Variants in TIA1 observed in about 807,000 individuals in gnomAD.
TIA1 encodes the protein TIA1 cytotoxic granule associated RNA binding protein, also known as cytotoxic granule associated RNA binding protein TIA1.
A neutral mutation model predicts 65.9 loss-of-function variants in TIA1; 23 were observed. That is an observed-to-expected ratio of 0.35 (90% CI 0.25 to 0.49). The LOEUF is 0.49. TIA1 is among the 20% of genes least tolerant of loss of function. TIA1 has a pLI of 0.98. For missense variants in TIA1, 371 were observed against 477.9 expected, an observed-to-expected ratio of 0.78 and a Z score of 2.09; for synonymous variants, 147 against 149.4, an observed-to-expected ratio of 0.98 and a Z score of 0.12.
intron 7 of TIA1, among the ~76,000 whole-genome samples, chr2:70,223,796 A>G (rs1249728604): frequency 6.6e-6 from 1 of 152,080 alleles, no homozygotes; most frequent in Non-Finnish European, 1.5e-5. Flanking sequence ...ATAGGGTCCC[A>G]CTATATTGCC....
At chr2:70,232,602 C>T (rs915891450) in intron 2 of TIA1, among the ~76,000 whole-genome samples, 7 of 146,228 alleles carry the variant, frequency 4.8e-5, no homozygotes, top group Non-Finnish European at 7.4e-5. Flanking sequence ...GGCACAGTAG[C>T]TCATGCCTGT....
rs1017292968 is a variant in TIA1, at chr2:70,209,725, A to G, written c.*2994T>C. The G allele has an allele frequency of 1.5e-5, 6 of 398,224 alleles. No homozygotes were observed. Among genetic ancestry groups the G allele is most frequent in the Admixed American group, 4.4e-5 (1 of 22,712 alleles). 24.7% of individuals were successfully genotyped at this position (398,224 alleles called of 1,614,324 possible). On this transcript the variant is annotated 3_prime_UTR_variant, in exon 13 of 13. Coordinates refer to ENST00000433529, the MANE Select transcript of TIA1 (RefSeq NM_022173.4). ...AAAGAACATTATTTGAGAGAAAAAA[A>G]CTGATTTTTTTTAAAGAAATCATCA...
At chr2:70,232,574 A>AT (rs1336438024) in intron 2 of TIA1, among the ~76,000 whole-genome samples, 1 of 119,876 alleles carries the variant, frequency 8.3e-6, no homozygotes, top group South Asian at 2.6e-4. Flanking sequence ...AAAAAAAAAA[A>AT]TTATCTTCCC....
At chr2:70,238,599 T>C (rs1209268640) in intron 1 of TIA1, among the ~76,000 whole-genome samples, 1 of 152,150 alleles carries the variant, frequency 6.6e-6, no homozygotes, top group African/African-American at 2.4e-5. Context: ...ATCAGTTGTT[T>C]TGAATGCTTA....
At chr2:70,243,200 A>AAGAT (rs1370634747) in intron 1 of TIA1, among the ~76,000 whole-genome samples, 1 of 152,192 alleles carries the variant, frequency 6.6e-6, no homozygotes, top group Non-Finnish European at 1.5e-5. Context: ...CTAAGGTGGG[A>AAGAT]AGATCGCTTG....
Position 70,212,757 on chromosome 2 carries a change from G to A in TIA1, c.1123C>T (p.Pro375Ser). The A allele has an allele frequency of 6.2e-7, 1 of 1,614,084 alleles. No homozygotes were observed. The highest frequency in any genetic ancestry group is 1.3e-5 in the African/African-American group (1 of 75,060). The change falls in exon 13 of 13, where the codon CCT becomes TCT. Residue 375 changes from proline to serine, a missense_variant. By Grantham distance (74) the Pro-to-Ser change is moderately conservative. Transcript: ENST00000433529. ...TACCCTGCCACTCGATACCCAGAAG[G>A]CTGATTGGGCAACATGCTGCCATTT... Reference protein sequence around the residue: ...GQNGSMLPNQPSGYRVAGYET... With the variant: ...GQNGSMLPNQSSGYRVAGYET...
chr2:70,214,313 CA>C (rs1558748802), intron 12 of TIA1, 35 bp downstream of exon 12: 5 of 1,570,612 alleles, frequency 3.2e-6, no homozygotes, highest in Non-Finnish European at 4.3e-6. Context: ...TAGACATTTT[CA>C]AAGGTTAGTA....
chr2:70,214,587 G>T, intron 11 of TIA1, 93 bp from the exon 12 acceptor site: 2 of 931,990 alleles, frequency 2.1e-6, no homozygotes, highest in East Asian at 3.3e-5. Flanking sequence ...AACACACAGG[G>T]CCATCATTAC....
At position 70,212,580 on chromosome 2, in the gene TIA1, G is replaced by C. The variant is rs769364891; in HGVS notation, c.*139C>G. The C allele has an allele frequency of 1.8e-6, 1 of 552,490 alleles. No homozygotes were observed. The highest frequency in any genetic ancestry group is 3.3e-6 in the Non-Finnish European group (1 of 305,400). 34.2% of individuals were successfully genotyped at this position (552,490 alleles called of 1,614,324 possible). ...CAATGTGGATGATAAGTAATTTCAT[G>C]ATTAAAAATGAATCTTTTAAATAAA... On this transcript the variant is annotated 3_prime_UTR_variant, in exon 13 of 13. Coordinates refer to ENST00000433529, the MANE Select transcript of TIA1 (RefSeq NM_022173.4).
At chr2:70,223,617 T>TTG (rs1456474081) in intron 7 of TIA1, among the ~76,000 whole-genome samples, 1 of 152,012 alleles carries the variant, frequency 6.6e-6, no homozygotes, top group Non-Finnish European at 1.5e-5. Flanking sequence ...TTTTGCCATG[T>TTG]TGTCCAGGTT....
rs768973137 is a variant in TIA1 at position 70,229,084 on chromosome 2, G to A, written c.285C>T (p.Thr95=). ...SSQKKDTSSS[T]VVSTQRSQDH... is the part of the protein sequence containing the mutation. Reference sequence around the variant, plus strand: ...CTTGTGAACGCTGTGTGCTGACAACGGTACTACCTGATGACAAAGATTAGA... The same window carrying A: ...CTTGTGAACGCTGTGTGCTGACAACAGTACTACCTGATGACAAAGATTAGA... Residue 95 remains threonine (T), a synonymous_variant, in exon 5 of 13, where the codon ACC becomes ACT. Transcript: ENST00000433529. 3 of 1,612,342 alleles carry A rather than the reference G, an allele frequency of 1.9e-6. No homozygotes were observed. The highest frequency in any genetic ancestry group is 2.5e-6 in the Non-Finnish European group (3 of 1,179,520).
chr2:70,242,064 T>G (rs1352619861), intron 1 of TIA1, among the ~76,000 whole-genome samples: 2 of 152,182 alleles, frequency 1.3e-5, no homozygotes, highest in East Asian at 3.8e-4. Context: ...ATAGTGTTAA[T>G]TTCTTAATTT....
rs1410095035 is a variant in TIA1 at position 70,230,740 on chromosome 2, A to T, written c.222+16T>A. The T allele has an allele frequency of 1.3e-6, 2 of 1,567,704 alleles. No homozygotes were observed. Among genetic ancestry groups the T allele is most frequent in the East Asian group, 4.6e-5 (2 of 43,720 alleles). On this transcript the variant is annotated intron_variant, in intron 3 of 12. Transcript: ENST00000433529. ...TTTTTCAGTGCAAGTCACCTTCTTT[A>T]ATTACGACAGCTTACCTTACCCATT... is the stretch of plus-strand genomic sequence containing the variant.
chr2:70,235,527 C>T lies in TIA1; in HGVS notation c.123+552G>A, dbSNP rs143459154. On this transcript the variant is annotated intron_variant, in intron 2 of 12. Coordinates refer to ENST00000433529, the MANE Select transcript of TIA1 (RefSeq NM_022173.4). ...ACCTATTATGATTCAGGGTTAACAC[C>T]AATTAGATGAATGAGTGTGTGTGTG... Among the ~76,000 whole-genome samples the T allele has an allele frequency of 4.3e-5, 6 of 140,188 alleles. 1 individual carries two copies. Among genetic ancestry groups the T allele is most frequent in the Admixed American group, 3.6e-4 (5 of 13,918 alleles). The allele number at this position is 140,188 out of a possible 152,430, so 92.0% of individuals were successfully genotyped here.
rs112245868 is a variant in TIA1 at position 70,243,542 on chromosome 2, A to C, written c.26+4863T>G. On this transcript the variant is annotated intron_variant, in intron 1 of 12. Coordinates refer to ENST00000433529, the MANE Select transcript of TIA1 (RefSeq NM_022173.4). ...CAAATGTATACCCATCACAAAGAAT[A>C]ATCTGTTACAAGAGATGGCTGAAAC... Among the ~76,000 whole-genome samples the C allele has an allele frequency of 4.7e-3, 718 of 152,294 alleles. 5 individuals carry two copies. Among genetic ancestry groups the C allele is most frequent in the African/African-American group, 0.016 (681 of 41,558 alleles).
At chr2:70,234,345 A>C (rs1030220549) in intron 2 of TIA1, among the ~76,000 whole-genome samples, 2 of 152,148 alleles carry the variant, frequency 1.3e-5, no homozygotes, top group African/African-American at 4.8e-5. Flanking sequence ...ACTGGTTTTA[A>C]ATTTCTCTTC....
intron 6 of TIA1, among the ~76,000 whole-genome samples, chr2:70,225,621 A>C (rs1683442503): frequency 1.3e-5 from 2 of 152,242 alleles, no homozygotes; most frequent in South Asian, 4.1e-4. Context: ...TTTTCTATTA[A>C]AGTATACATA....
chr2:70,216,699 G>T (rs1640715622), intron 8 of TIA1, 187 bp downstream of exon 8: 12 of 1,475,780 alleles, frequency 8.1e-6, no homozygotes, highest in South Asian at 1.3e-5. Flanking sequence ...TTTAATAGGA[G>T]ACTTGACATT....
At position 70,216,291 on chromosome 2, in the gene TIA1, T is replaced by C; in HGVS notation, c.681A>G (p.Glu227=). 2.5e-6 allele frequency: 4 copies of C among 1,590,802 alleles called. No homozygotes were observed. The highest frequency in any genetic ancestry group is 3.4e-6 in the Non-Finnish European group (4 of 1,173,546). ...GTGAAAAAGTCTGACGCATTAGTTG[T>C]TCTGTTAGACAAAAAACCAAAACAA... The part of the protein sequence containing the change: ...YCGGVTSGLT[E]QLMRQTFSPF... The change falls in exon 10 of 13, where the codon GAA becomes GAG. Residue 227 remains glutamate (E), a splice_region_variant and synonymous_variant. Transcript: ENST00000433529.
Sources: allele counts gnomAD v4.1 joint callset (sites outside exome capture counted in the v4.1 genomes callset), GRCh38; gene constraint gnomAD v4.1.1; transcripts MANE v1.5; gene names NCBI Gene and HGNC (gene_info 2026-07-23, HGNC 2026-07-21).